The following CPQ variants were observed in gnomAD, a reference collection of about 807,000 sequenced individuals.
The protein encoded by CPQ is carboxypeptidase Q, also known as Ser-Met dipeptidase.
Under a neutral mutation model 45.7 loss-of-function variants are expected in CPQ, and 37 were observed. That is an observed-to-expected ratio of 0.81 (90% CI 0.62 to 1.07). The LOEUF (loss-of-function observed/expected upper bound fraction) is 1.07. Ranked by LOEUF, CPQ falls within the 50% of genes least tolerant of loss-of-function variation. The pLI, the probability that CPQ is intolerant of heterozygous loss-of-function variation, is 0.00. For synonymous variants in CPQ, 186 were observed against 205.8 expected, an observed-to-expected ratio of 0.90 and a Z score of 0.82; for missense variants, 537 against 572.9, an observed-to-expected ratio of 0.94 and a Z score of 0.64.
At chr8:97,022,112 C>A (rs978396378) in intron 5 of CPQ, among the ~76,000 whole-genome samples, 8 of 152,002 alleles carry the variant, frequency 5.3e-5, no homozygotes, top group African/African-American at 1.2e-4. Flanking sequence ...TCAACAAAGC[C>A]AACAAAAACG....
chr8:96,850,905 CTTT>C (rs1188429730), intron 3 of CPQ, among the ~76,000 whole-genome samples: 1 of 152,120 alleles, frequency 6.6e-6, no homozygotes, highest in African/African-American at 2.4e-5. Flanking sequence ...CACCTGGCCG[CTTT>C]TTATCTTTAA....
intron 3 of CPQ, among the ~76,000 whole-genome samples, chr8:96,875,312 A>G (rs1385834769): frequency 6.6e-6 from 1 of 151,880 alleles, no homozygotes; most frequent in African/African-American, 2.4e-5. Flanking sequence ...CTAAAGCACA[A>G]AAGTTTAACA....
intron 6 of CPQ, among the ~76,000 whole-genome samples, chr8:97,062,393 G>A (rs1810565603): frequency 6.6e-6 from 1 of 152,122 alleles, no homozygotes; most frequent in Non-Finnish European, 1.5e-5. Context: ...ACAACAGACT[G>A]AGCCCAGGGC....
At chr8:97,015,128 A>T (rs1809556876) in intron 5 of CPQ, among the ~76,000 whole-genome samples, 1 of 152,180 alleles carries the variant, frequency 6.6e-6, no homozygotes, top group Non-Finnish European at 1.5e-5. Flanking sequence ...TGGTACTTGT[A>T]CTTGATTTAC....
At chr8:97,039,158 A>G (rs1810062597) in intron 6 of CPQ, among the ~76,000 whole-genome samples, 1 of 152,242 alleles carries the variant, frequency 6.6e-6, no homozygotes, top group Non-Finnish European at 1.5e-5. Flanking sequence ...ACTGAGCCAC[A>G]CAACAGGCAT....
intron 5 of CPQ, among the ~76,000 whole-genome samples, chr8:96,967,619 G>T (rs1410817135): frequency 6.6e-6 from 1 of 152,168 alleles, no homozygotes; most frequent in Non-Finnish European, 1.5e-5. Flanking sequence ...AGTTGCTTTT[G>T]ATAGCTAGTG....
At chr8:97,014,687 G>A (rs1404339804) in intron 5 of CPQ, among the ~76,000 whole-genome samples, 1 of 150,288 alleles carries the variant, frequency 6.7e-6, no homozygotes, top group East Asian at 1.9e-4. Flanking sequence ...AATGTACTAT[G>A]GTCTGAAAAC....
At chr8:96,712,391 C>T (rs1358956415) in intron 1 of CPQ, among the ~76,000 whole-genome samples, 2 of 152,140 alleles carry the variant, frequency 1.3e-5, no homozygotes, top group African/African-American at 2.4e-5. Flanking sequence ...GCTATGACAC[C>T]ACATTTCCCT....
intron 7 of CPQ, chr8:97,132,870 A>T (rs191094511): frequency 1.3e-5 from 2 of 152,364 alleles, no homozygotes; most frequent in Admixed American, 6.5e-5. Flanking sequence ...TCAGACCATG[A>T]AAAGAGAGTG....
At chr8:97,080,913 T>TTTCCTTCCTTCCTTCCTTCTTTCCTTCC in intron 7 of CPQ, among the ~76,000 whole-genome samples, 1 of 151,770 alleles carries the variant, frequency 6.6e-6, no homozygotes, top group Admixed American at 6.6e-5. Context: ...CCCACCCTTC[T>TTTCCTTCCTTCCTTCCTTCTTTCCTTCC]TTCCTTCCTT....
chr8:96,785,388 A>C (rs1219753608), intron 2 of CPQ, 58 bp downstream of exon 2: 17 of 1,293,770 alleles, frequency 1.3e-5, no homozygotes, highest in Non-Finnish European at 2.1e-6. Flanking sequence ...CCCTTGGTGT[A>C]ATTGAGTACA....
intron 2 of CPQ, among the ~76,000 whole-genome samples, chr8:96,800,861 A>G (rs1017974161): frequency 2.0e-5 from 3 of 152,210 alleles, no homozygotes; most frequent in Non-Finnish European, 4.4e-5. Flanking sequence ...AAATGGGGAT[A>G]AAAGAGAACA....
intron 3 of CPQ, among the ~76,000 whole-genome samples, chr8:96,877,736 T>C (rs1249146823): frequency 1.3e-5 from 2 of 152,200 alleles, no homozygotes; most frequent in African/African-American, 4.8e-5. Flanking sequence ...TTCTCCACTT[T>C]ACAAATGCGG....
At chr8:97,055,205 A>G (rs1415038824) in intron 6 of CPQ, among the ~76,000 whole-genome samples, 2 of 152,034 alleles carry the variant, frequency 1.3e-5, no homozygotes, top group Non-Finnish European at 2.9e-5. Context: ...CCTTTATCAC[A>G]TCATCATGAT....
chr8:96,926,576 C>CTTCTTCTTCTTCTTCTTCTTCT (rs1812882233), intron 4 of CPQ, among the ~76,000 whole-genome samples: 47 of 75,034 alleles, frequency 6.3e-4, no homozygotes, highest in Admixed American at 1.3e-3. Context: ...CTTCCTCTTC[C>CTTCTTCTTCTTCTTCTTCTTCT]TCTTCTTCTT....
intron 4 of CPQ, among the ~76,000 whole-genome samples, chr8:96,883,854 AT>A (rs1324778121): frequency 2.0e-5 from 3 of 152,116 alleles, no homozygotes; most frequent in Non-Finnish European, 2.9e-5. Context: ...TGTTCACTCT[AT>A]TTCCTTTCTT....
At chr8:97,118,767 GTA>G (rs1245526291) in intron 7 of CPQ, among the ~76,000 whole-genome samples, 2 of 151,982 alleles carry the variant, frequency 1.3e-5, no homozygotes, top group African/African-American at 4.8e-5. Flanking sequence ...GTATATGTGT[GTA>G]TATATGTTAT....
intron 5 of CPQ, among the ~76,000 whole-genome samples, chr8:96,996,508 C>T (rs1809181217): frequency 6.6e-6 from 1 of 151,918 alleles, no homozygotes; most frequent in Non-Finnish European, 1.5e-5. Flanking sequence ...CAGGTTGTTA[C>T]CTGTAAAGAG....
chr8:96,681,704 A>G (rs1031205533), intron 1 of CPQ, among the ~76,000 whole-genome samples: 17 of 152,240 alleles, frequency 1.1e-4, no homozygotes, highest in African/African-American at 3.6e-4. Context: ...AGCTTGCACC[A>G]TGCACCTGGA....
Sources: gnomAD v4.1 joint callset for allele counts (sites outside exome capture counted in the v4.1 genomes callset) on GRCh38, gnomAD v4.1.1 for gene constraint, MANE v1.5 for transcripts, NCBI Gene and HGNC (gene_info 2026-07-23, HGNC 2026-07-21) for gene names.